STARD13: variants seen among roughly 807,000 people sequenced by gnomAD.
The protein encoded by STARD13 is StAR related lipid transfer domain containing 13.
In STARD13, 62 loss-of-function variants were observed where a neutral mutation model predicts 106.4. The observed-to-expected ratio is 0.58, with a 90% CI of 0.48 to 0.72. STARD13 has a LOEUF of 0.72. Ranked by LOEUF, STARD13 falls within the 30% of genes least tolerant of loss-of-function variation. The pLI, the probability that STARD13 is intolerant of heterozygous loss-of-function variation, is 0.00. For missense variants in STARD13, 1,387 were observed against 1,424.0 expected (o/e 0.97, Z 0.42); for synonymous variants, 565 against 553.0 (o/e 1.02, Z -0.31).
chr13:33,448,298 T>G, the STARD13 span, among the ~76,000 whole-genome samples: 931 of 152,296 alleles, frequency 6.1e-3, 10 homozygotes, highest in African/African-American at 0.021. Context: ...GTAACCACTA[T>G]TCTACTCTCT....
intron 1 of STARD13, among the ~76,000 whole-genome samples, chr13:33,329,889 A>C (rs562616224): frequency 6.6e-6 from 1 of 151,964 alleles, no homozygotes; most frequent in South Asian, 2.1e-4. Flanking sequence ...TTTTTAGTAG[A>C]GACACGGTTT....
At chr13:33,625,736 T>C in the STARD13 span, among the ~76,000 whole-genome samples, 4 of 151,954 alleles carry the variant, frequency 2.6e-5, no homozygotes, top group East Asian at 2.0e-4. Context: ...GGAGTCTCGC[T>C]CTGTCACCAG....
chr13:33,371,229 T>A, the STARD13 span, among the ~76,000 whole-genome samples: 2 of 152,186 alleles, frequency 1.3e-5, no homozygotes, highest in Admixed American at 1.3e-4. Context: ...GCACTTGTTT[T>A]TTCTTCCCAT....
the STARD13 span, among the ~76,000 whole-genome samples, chr13:33,574,522 G>T: frequency 2.0e-5 from 3 of 152,268 alleles, no homozygotes; most frequent in East Asian, 3.9e-4. Context: ...GATTACTTGA[G>T]CCCAGGAGTT....
chr13:33,242,149 G>A (rs944591597), intron 1 of STARD13, among the ~76,000 whole-genome samples: 7 of 151,914 alleles, frequency 4.6e-5, no homozygotes, highest in African/African-American at 1.4e-4. Context: ...GTCTCTGACC[G>A]GCCGCCCCGT....
At chr13:33,433,822 C>A in the STARD13 span, among the ~76,000 whole-genome samples, 4 of 152,036 alleles carry the variant, frequency 2.6e-5, no homozygotes, top group African/African-American at 9.7e-5. Flanking sequence ...GTATTTGCCC[C>A]CTCTGTGTAT....
the STARD13 span, among the ~76,000 whole-genome samples, chr13:33,402,255 A>C: frequency 6.6e-6 from 1 of 152,250 alleles, no homozygotes; most frequent in Admixed American, 6.5e-5. Context: ...ACACCAGAAA[A>C]GTGTAGAAAA....
intron 1 of STARD13, among the ~76,000 whole-genome samples, chr13:33,330,036 G>A (rs1293841621): frequency 6.6e-6 from 1 of 152,162 alleles, no homozygotes; most frequent in Non-Finnish European, 1.5e-5. Context: ...TTCACTGCAG[G>A]ACATTTAGGT....
chr13:33,350,472 C>A (rs2078065442), exon 1 of STARD13: 3 of 1,492,822 alleles, frequency 2.0e-6, no homozygotes, highest in Non-Finnish European at 2.7e-6. Flanking sequence ...GCGTGGCCCG[C>A]GACTCAGACT....
chr13:33,501,827 G>C, the STARD13 span, among the ~76,000 whole-genome samples: 1 of 151,986 alleles, frequency 6.6e-6, no homozygotes, highest in African/African-American at 2.4e-5. Flanking sequence ...TTCCAGCTTT[G>C]TTCTTTTGGC....
the STARD13 span, among the ~76,000 whole-genome samples, chr13:33,640,314 T>C: frequency 2.6e-5 from 4 of 152,240 alleles, no homozygotes; most frequent in Non-Finnish European, 5.9e-5. Flanking sequence ...CCCTAAACCC[T>C]GTAATTCGAC....
chr13:33,322,221 C>T (rs1401845140), intron 1 of STARD13, among the ~76,000 whole-genome samples: 1 of 152,166 alleles, frequency 6.6e-6, no homozygotes, highest in Non-Finnish European at 1.5e-5. Flanking sequence ...TACAACTTTT[C>T]AAATCTGATG....
chr13:33,568,233 A>C, the STARD13 span, among the ~76,000 whole-genome samples: 4 of 147,904 alleles, frequency 2.7e-5, no homozygotes, highest in African/African-American at 9.9e-5. Flanking sequence ...TAGTTACAGT[A>C]AATCAAGATA....
the STARD13 span, among the ~76,000 whole-genome samples, chr13:33,637,407 G>GCTAC: frequency 6.6e-6 from 1 of 152,188 alleles, no homozygotes; most frequent in Non-Finnish European, 1.5e-5. Flanking sequence ...CCCTCAAAGT[G>GCTAC]CTACCTTCTG....
the STARD13 span, among the ~76,000 whole-genome samples, chr13:33,362,619 TCAA>T: frequency 1.3e-5 from 2 of 152,106 alleles, no homozygotes; most frequent in Non-Finnish European, 1.5e-5. Flanking sequence ...CGTGGTGATC[TCAA>T]CAACAACGTC....
At chr13:33,502,775 A>G in the STARD13 span, among the ~76,000 whole-genome samples, 1 of 152,174 alleles carries the variant, frequency 6.6e-6, no homozygotes. Context: ...GTGCTGCTAG[A>G]TTCGGTTTGC....
intron 3 of STARD13, among the ~76,000 whole-genome samples, chr13:33,162,302 C>A (rs571058808): frequency 6.6e-6 from 1 of 152,292 alleles, no homozygotes; most frequent in East Asian, 1.9e-4. Flanking sequence ...ACCAGTTTTT[C>A]CTCCTAGACT....
intron 1 of STARD13, among the ~76,000 whole-genome samples, chr13:33,239,492 T>C (rs1365328352): frequency 1.3e-5 from 2 of 152,246 alleles, no homozygotes; most frequent in East Asian, 3.9e-4. Flanking sequence ...TTTATTCCCA[T>C]CAACAATACA....
At chr13:33,424,274 C>A in the STARD13 span, among the ~76,000 whole-genome samples, 53 of 152,066 alleles carry the variant, frequency 3.5e-4, no homozygotes, top group Admixed American at 3.5e-3. Flanking sequence ...GTATCTCCAT[C>A]AAATAAATGA....
Sources: allele counts gnomAD v4.1 joint callset (sites outside exome capture counted in the v4.1 genomes callset), GRCh38; gene constraint gnomAD v4.1.1; transcripts MANE v1.5; gene names NCBI Gene and HGNC (gene_info 2026-07-23, HGNC 2026-07-21).